Variants in NEK11 observed in about 807,000 individuals in gnomAD.
NEK11 encodes the protein serine/threonine-protein kinase Nek11.
A neutral mutation model predicts 80.7 loss-of-function variants in NEK11; 72 were observed. The ratio of observed to expected loss-of-function variants is 0.89; its 90% CI spans 0.74 to 1.08. The LOEUF is 1.08. NEK11 is among the 50% of genes least tolerant of loss of function. The probability of loss-of-function intolerance (pLI) is 0.00; values close to 1 mark genes in which losing one functional copy is unlikely to be tolerated. For synonymous variants in NEK11, 251 were observed against 260.7 expected (o/e 0.96, Z 0.36); for missense variants, 764 against 763.6 (o/e 1.00, Z -0.01).
Position 131,350,059 on chromosome 3 carries a change from G to A in NEK11, c.*283G>A. 2.8e-6 allele frequency: 1 copy of A among 361,614 alleles called. No individual in the cohort carries two copies. Among genetic ancestry groups the A allele is most frequent in the Non-Finnish European group, 5.1e-6 (1 of 194,902 alleles). The allele number at this position is 361,614 out of a possible 1,614,324, so 22.4% of individuals were successfully genotyped here. A position where few individuals can be genotyped will look rare whatever the true frequency, so the allele number is the denominator to read the frequency against. On this transcript the variant is annotated 3_prime_UTR_variant, in exon 18 of 18. Coordinates refer to ENST00000383366, the MANE Select transcript of NEK11 (RefSeq NM_024800.5). The stretch of plus-strand genomic sequence containing the variant: ...CTCATGTGCGCCCTCAGGGCTTCCA[G>A]CAGGATTGAGTCACCCTGACGATGA...
intron 5 of NEK11, among the ~76,000 whole-genome samples, chr3:131,125,356 T>G (rs555398214): frequency 2.0e-5 from 3 of 152,198 alleles, no homozygotes; most frequent in Non-Finnish European, 4.4e-5. Flanking sequence ...GTACTATCAT[T>G]AATTCTAATG....
At chr3:131,072,229 C>T (rs1218893084) in intron 3 of NEK11, 2 of 152,240 alleles carry the variant, frequency 1.3e-5, no homozygotes, top group African/African-American at 4.8e-5. Flanking sequence ...TTCTCTCTTA[C>T]CTCTCCATGT....
chr3:131,322,787 C>A (rs532293815), intron 17 of NEK11, among the ~76,000 whole-genome samples: 2 of 152,292 alleles, frequency 1.3e-5, no homozygotes, highest in South Asian at 4.1e-4. Context: ...CAGTCTGACC[C>A]TGTGGGTCAC....
chr3:131,188,242 G>A (rs1051730569), intron 14 of NEK11, among the ~76,000 whole-genome samples: 6 of 152,116 alleles, frequency 3.9e-5, no homozygotes, highest in African/African-American at 1.4e-4. Flanking sequence ...GCTCCTTTGT[G>A]ATTAAATTGT....
intron 14 of NEK11, among the ~76,000 whole-genome samples, chr3:131,211,100 A>C (rs2094598168): frequency 6.6e-6 from 1 of 152,086 alleles, no homozygotes; most frequent in Non-Finnish European, 1.5e-5. Context: ...ATGTTTTTGC[A>C]GTGGATGGTA....
At chr3:131,335,958 G>A (rs1013024935) in intron 17 of NEK11, among the ~76,000 whole-genome samples, 1 of 152,118 alleles carries the variant, frequency 6.6e-6, no homozygotes, top group African/African-American at 2.4e-5. Flanking sequence ...ACTGCTCAAT[G>A]AAATAAAAGA....
At chr3:131,303,837 C>T (rs998468973) in intron 17 of NEK11, among the ~76,000 whole-genome samples, 6 of 152,078 alleles carry the variant, frequency 3.9e-5, no homozygotes, top group Non-Finnish European at 7.4e-5. Context: ...TGGGGATGCT[C>T]ATCTTTGTAT....
intron 4 of NEK11, among the ~76,000 whole-genome samples, chr3:131,093,574 G>T (rs1386432280): frequency 6.6e-6 from 1 of 152,058 alleles, no homozygotes; most frequent in Non-Finnish European, 1.5e-5. Context: ...GTGCCACCAC[G>T]CTTGGCTAAT....
chr3:131,085,285 T>A (rs2075823816), intron 4 of NEK11, among the ~76,000 whole-genome samples: 2 of 152,226 alleles, frequency 1.3e-5, no homozygotes, highest in African/African-American at 4.8e-5. Flanking sequence ...TATTGATGCC[T>A]TATGAACTTG....
At chr3:131,314,130 AGTGT>A (rs143988468) in intron 17 of NEK11, among the ~76,000 whole-genome samples, 1 of 149,218 alleles carries the variant, frequency 6.7e-6, no homozygotes, top group Non-Finnish European at 1.5e-5. Context: ...GGAGAAAAAG[AGTGT>A]GTGTGTGTGT....
chr3:131,323,467 T>TTCTA (rs150890908), intron 17 of NEK11, among the ~76,000 whole-genome samples: 1 of 152,128 alleles, frequency 6.6e-6, no homozygotes, highest in African/African-American at 2.4e-5. Context: ...CCTGGTCTCT[T>TTCTA]TCTATCTATC....
chr3:131,263,827 ACCAACAGTG>A (rs1241524942), intron 16 of NEK11, among the ~76,000 whole-genome samples: 1 of 152,168 alleles, frequency 6.6e-6, no homozygotes, highest in Non-Finnish European at 1.5e-5. Flanking sequence ...TTACAGTCCC[ACCAACAGTG>A]TAAAAGTCCC....
At chr3:131,056,653 A>T (rs2069558725) in intron 3 of NEK11, among the ~76,000 whole-genome samples, 1 of 151,364 alleles carries the variant, frequency 6.6e-6, no homozygotes, top group South Asian at 2.1e-4. Flanking sequence ...TCCCTGTGTC[A>T]TATCCCTATT....
chr3:131,030,840 G>GT (rs2064736782), intron 3 of NEK11, among the ~76,000 whole-genome samples: 1 of 152,150 alleles, frequency 6.6e-6, no homozygotes, highest in Non-Finnish European at 1.5e-5. Flanking sequence ...TTTGTGTAAA[G>GT]TTTTTTTAAT....
At position 131,075,807 on chromosome 3, in the gene NEK11, A is replaced by T. The variant is rs149285866; in HGVS notation, c.171-4616A>T. Among the ~76,000 whole-genome samples, 6 of 152,274 alleles carry T rather than the reference A, an allele frequency of 3.9e-5. No homozygotes were observed. In the East Asian group the frequency reaches 1.2e-3, roughly 29 times the overall value. On this transcript the variant is annotated intron_variant, in intron 3 of 17. Coordinates refer to ENST00000383366, the MANE Select transcript of NEK11 (RefSeq NM_024800.5). ...CATAATTGCACTGATCAGGACTCCC[A>T]GGTGCAGGTAAGAGCAGCCACCCTT... is the stretch of plus-strand genomic sequence containing the variant.
At chr3:131,216,439 A>C (rs968053806) in intron 14 of NEK11, among the ~76,000 whole-genome samples, 7 of 152,254 alleles carry the variant, frequency 4.6e-5, no homozygotes, top group African/African-American at 1.7e-4. Flanking sequence ...TGGTGAGTGC[A>C]TTAGGCAAGG....
chr3:131,315,905 C>T (rs1405760726), intron 17 of NEK11, among the ~76,000 whole-genome samples: 1 of 152,142 alleles, frequency 6.6e-6, no homozygotes, highest in Non-Finnish European at 1.5e-5. Flanking sequence ...CTTATGGCTG[C>T]ATAGTATTCC....
At chr3:131,131,485 G>A (rs977496172) in intron 5 of NEK11, among the ~76,000 whole-genome samples, 2 of 152,068 alleles carry the variant, frequency 1.3e-5, no homozygotes, top group African/African-American at 4.8e-5. Context: ...TTTAATCTAG[G>A]TTATCAAATT....
At chr3:131,329,732 G>C (rs2065235556) in intron 17 of NEK11, 1 of 152,234 alleles carries the variant, frequency 6.6e-6, no homozygotes, top group Non-Finnish European at 1.5e-5. Flanking sequence ...TGAATATCCA[G>C]AGAAAGAGCA....
Sources: gnomAD v4.1 joint callset for allele counts (sites outside exome capture counted in the v4.1 genomes callset) on GRCh38, gnomAD v4.1.1 for gene constraint, MANE v1.5 for transcripts, NCBI Gene and HGNC (gene_info 2026-07-23, HGNC 2026-07-21) for gene names.